KCNN2: variants seen among roughly 807,000 people sequenced by gnomAD.
KCNN2 encodes potassium calcium-activated channel subfamily N member 2, also known as small conductance calcium-activated potassium channel protein 2.
KCNN2 carries 24 observed loss-of-function variants against 55.5 expected under a neutral mutation model. The ratio of observed to expected loss-of-function variants is 0.43; its 90% confidence interval spans 0.31 to 0.61. The LOEUF is 0.61. Among genes scored for constraint, KCNN2 ranks in the 20% least tolerant of loss-of-function variants. The probability of loss-of-function intolerance (pLI) is 0.08; values close to 1 mark genes in which losing one functional copy is unlikely to be tolerated. For synonymous variants in KCNN2, 431 were observed against 336.1 expected, an observed-to-expected ratio of 1.28 and a Z score of -3.09; for missense variants, 754 against 853.6, an observed-to-expected ratio of 0.88 and a Z score of 1.45.
At chr5:114,437,011 T>C (rs1016324397) in intron 3 of KCNN2, among the ~76,000 whole-genome samples, 3 of 152,066 alleles carry the variant, frequency 2.0e-5, no homozygotes, top group Non-Finnish European at 4.4e-5. Context: ...TGTGGGTTGT[T>C]TTTTTCTTAT....
At chr5:114,419,631 A>T (rs1185172686) in intron 3 of KCNN2, among the ~76,000 whole-genome samples, 3 of 152,210 alleles carry the variant, frequency 2.0e-5, no homozygotes, top group African/African-American at 7.2e-5. Flanking sequence ...ATACTCAGTA[A>T]CCTAAGTCTT....
At chr5:114,280,001 G>A (rs569286515) in intron 2 of KCNN2, among the ~76,000 whole-genome samples, 2 of 152,284 alleles carry the variant, frequency 1.3e-5, no homozygotes, top group Admixed American at 6.5e-5. Flanking sequence ...TCTAACTGGT[G>A]TAAGATGGTA....
rs372164759 is a variant in KCNN2 at position 114,432,789 on chromosome 5, C to G, written c.1637+27933C>G. 7.5e-4 allele frequency among the ~76,000 whole-genome samples: 115 copies of G among 152,322 alleles called. 2 individuals carry two copies. Among genetic ancestry groups the G allele is most frequent in the African/African-American group, 2.5e-3 (102 of 41,580 alleles). Reference sequence around the variant, plus strand: ...CGCGCACGCCGAGCAGCCGGCCAGCCCTGCCGGCCCGGGCAATGAGGGGCT... The same window carrying G: ...CGCGCACGCCGAGCAGCCGGCCAGCGCTGCCGGCCCGGGCAATGAGGGGCT... On this transcript the variant is annotated intron_variant, in intron 3 of 7. Coordinates refer to ENST00000673685, the MANE Select transcript of KCNN2 (RefSeq NM_021614.4).
intron 3 of KCNN2, among the ~76,000 whole-genome samples, chr5:114,429,541 C>A (rs1364182774): frequency 6.6e-6 from 1 of 151,994 alleles, no homozygotes; most frequent in African/African-American, 2.4e-5. Context: ...CTTTGTATCT[C>A]TTGGATACTC....
intron 2 of KCNN2, among the ~76,000 whole-genome samples, chr5:114,233,836 C>G (rs1251053282): frequency 6.6e-6 from 1 of 152,094 alleles, no homozygotes; most frequent in Non-Finnish European, 1.5e-5. Context: ...TACTTGTTTC[C>G]ATTTTTCTTC....
At chr5:114,171,411 G>A (rs1468612506) in intron 1 of KCNN2, among the ~76,000 whole-genome samples, 1 of 151,694 alleles carries the variant, frequency 6.6e-6, no homozygotes, top group Non-Finnish European at 1.5e-5. Context: ...TTGTTCCTTT[G>A]GCTAAAACAT....
intron 2 of KCNN2, among the ~76,000 whole-genome samples, chr5:114,266,626 C>T (rs1464132192): frequency 6.6e-6 from 1 of 152,144 alleles, no homozygotes; most frequent in African/African-American, 2.4e-5. Context: ...CCACTTCTCT[C>T]CCAAGCCACA....
chr5:114,463,267 G>A, intron 4 of KCNN2, 77 bp downstream of exon 4: 1 of 1,109,668 alleles, frequency 9.0e-7, no homozygotes, highest in Non-Finnish European at 1.3e-6. Flanking sequence ...ACGTGCATAA[G>A]TAATTGTGAG....
Position 114,369,755 on chromosome 5 carries a change from G to A in KCNN2, c.1218+5754G>A, listed in dbSNP as rs887705567. ...AAAGATCTCTGCATTATTAATGGGT[G>A]TAACGCTAAATAAAGCTATCCTGGT... On this transcript the variant is annotated intron_variant, in intron 2 of 7. Transcript: ENST00000673685. Among the ~76,000 whole-genome samples, 3 of 152,148 alleles carry A rather than the reference G, an allele frequency of 2.0e-5. No individual in the cohort carries two copies. In the East Asian group the frequency reaches 5.8e-4, roughly 29 times the overall value.
intron 1 of KCNN2, among the ~76,000 whole-genome samples, chr5:114,168,145 A>T (rs1207479807): frequency 7.2e-6 from 1 of 138,012 alleles, no homozygotes; most frequent in Non-Finnish European, 1.6e-5. Flanking sequence ...GTGTATATAG[A>T]TATATAATCA....
At chr5:114,165,596 G>C (rs1312707734) in intron 1 of KCNN2, among the ~76,000 whole-genome samples, 1 of 152,058 alleles carries the variant, frequency 6.6e-6, no homozygotes, top group Non-Finnish European at 1.5e-5. Context: ...AAACCATACT[G>C]CCTGTTTAGA....
At chr5:114,191,692 C>G (rs1753454082) in intron 1 of KCNN2, among the ~76,000 whole-genome samples, 1 of 152,062 alleles carries the variant, frequency 6.6e-6, no homozygotes, top group Non-Finnish European at 1.5e-5. Context: ...ATGCTGCTAA[C>G]TAAGAATGGT....
rs77968053 is a variant in KCNN2, at chr5:114,228,959, C to T, written c.-185+7394C>T. The stretch of plus-strand genomic sequence containing the variant: ...TCTAATGATTCTACTATTTTAAAAA[C>T]ATTAGATTGTTTCTGAATTTAACAG... On this transcript the variant is annotated intron_variant, in intron 2 of 10. Coordinates refer to the KCNN2 transcript ENST00000512097. Among the ~76,000 whole-genome samples the T allele has an allele frequency of 5.4e-3, 816 of 152,008 alleles. 5 individuals are homozygous for T. Among genetic ancestry groups the T allele is most frequent in the African/African-American group, 0.019 (773 of 41,508 alleles).
chr5:114,151,550 A>G (rs182101861), intron 1 of KCNN2, among the ~76,000 whole-genome samples: 1 of 145,170 alleles, frequency 6.9e-6, no homozygotes, highest in Non-Finnish European at 1.5e-5. Context: ...ATGTCCCAGA[A>G]AAAAAAAAAA....
intron 1 of KCNN2, among the ~76,000 whole-genome samples, chr5:114,079,551 C>T (rs1424457908): frequency 2.6e-5 from 4 of 152,162 alleles, no homozygotes; most frequent in Non-Finnish European, 5.9e-5. Flanking sequence ...GTCTCAATTA[C>T]TCTAGGATAG....
rs116435466 is a variant in KCNN2, at chr5:114,399,847, C to T, written c.1219-4591C>T. Among the ~76,000 whole-genome samples the T allele has an allele frequency of 5.8e-3, 879 of 150,846 alleles. 5 individuals carry two copies. Among genetic ancestry groups the T allele is most frequent in the Middle Eastern group, 0.014 (4 of 290 alleles). On this transcript the variant is annotated intron_variant, in intron 2 of 7. Coordinates refer to ENST00000673685, the MANE Select transcript of KCNN2 (RefSeq NM_021614.4). Reference sequence around the variant, plus strand: ...TTCGATCTTGGGAGATTGTATGTTTCCAGGAATTTTTCTATTTCCTCTAAG... The same window carrying T: ...TTCGATCTTGGGAGATTGTATGTTTTCAGGAATTTTTCTATTTCCTCTAAG...
In KCNN2 at chr5:114,208,225, A is replaced by G. The variant is rs982417307; in HGVS notation, c.-270-13255A>G. Among the ~76,000 whole-genome samples, 3 of 152,226 alleles carry G rather than the reference A, an allele frequency of 2.0e-5. No individual in the cohort carries two copies. The South Asian group carries it at 6.2e-4, about 32-fold the overall frequency. Reference sequence around the variant, plus strand: ...ATTCAAGATTTCTAACTTCATTTGGATCCTGAAATTGAACGGAGTGTAATT... The same window carrying G: ...ATTCAAGATTTCTAACTTCATTTGGGTCCTGAAATTGAACGGAGTGTAATT... On this transcript the variant is annotated intron_variant, in intron 1 of 10. Transcript: ENST00000512097.
chr5:114,148,830 G>C (rs1752457580), intron 1 of KCNN2, among the ~76,000 whole-genome samples: 1 of 152,106 alleles, frequency 6.6e-6, no homozygotes, highest in Non-Finnish European at 1.5e-5. Context: ...TGATCAGAAG[G>C]AGGACTAGTA....
intron 2 of KCNN2, among the ~76,000 whole-genome samples, chr5:114,285,505 C>A (rs562947390): frequency 6.8e-4 from 104 of 152,028 alleles, no homozygotes; most frequent in Non-Finnish European, 1.3e-3. Flanking sequence ...CAAGCCATTT[C>A]TTGGAAATCC....
Sources: gnomAD v4.1 joint callset for allele counts (sites outside exome capture counted in the v4.1 genomes callset) on GRCh38, gnomAD v4.1.1 for gene constraint, MANE v1.5 for transcripts, NCBI Gene and HGNC (gene_info 2026-07-23, HGNC 2026-07-21) for gene names.